The following DPY19L1 variants were observed in gnomAD, a reference collection of about 807,000 sequenced individuals.
The protein encoded by DPY19L1 is dpy-19 like C-mannosyltransferase 1.
Under a neutral mutation model 96.9 loss-of-function variants are expected in DPY19L1, and 35 were observed. The ratio of observed to expected loss-of-function variants is 0.36; its 90% confidence interval spans 0.28 to 0.48. The LOEUF is 0.48. Among genes scored for constraint, DPY19L1 ranks in the 20% least tolerant of loss-of-function variants. The pLI is 0.99. For synonymous variants in DPY19L1, 205 were observed against 252.6 expected (o/e 0.81, Z 1.79); for missense variants, 521 against 777.9 (o/e 0.67, Z 3.93).
intron 7 of DPY19L1, among the ~76,000 whole-genome samples, chr7:34,985,751 A>C (rs1257602292): frequency 6.6e-6 from 1 of 152,098 alleles, no homozygotes; most frequent in Non-Finnish European, 1.5e-5. Context: ...GTCATTTTAG[A>C]AAACTATGTA....
At chr7:34,968,075 A>T (rs886555520) in intron 9 of DPY19L1, among the ~76,000 whole-genome samples, 8 of 152,116 alleles carry the variant, frequency 5.3e-5, no homozygotes, top group Non-Finnish European at 1.0e-4. Context: ...AACACACAGT[A>T]CATTTACAGG....
In DPY19L1 at chr7:34,947,651, C is replaced by G; in HGVS notation, c.1473G>C (p.Val491=). Residue 491 remains valine (V), a synonymous_variant, in exon 15 of 22, where the codon GTG becomes GTC. Transcript: ENST00000638088. The part of the protein sequence containing the change: ...KTLLLPVVLV[V]FVAIVRKIIS... ...ATACCTTTCTAACAATAGCAACAAA[C>G]ACTACAAGAACAACTGGAAGCAATA... is the stretch of plus-strand genomic sequence containing the variant. The G allele has an allele frequency of 6.2e-7, 1 of 1,611,994 alleles. No homozygotes were observed.
intron 8 of DPY19L1, among the ~76,000 whole-genome samples, chr7:34,970,530 T>C (rs532712361): frequency 5.1e-4 from 78 of 152,340 alleles, no homozygotes; most frequent in Middle Eastern, 3.4e-3. Context: ...GCTGTGTGCA[T>C]ACATGTATGT....
At chr7:35,004,349 T>G (rs1301001728) in intron 6 of DPY19L1, among the ~76,000 whole-genome samples, 5 of 152,200 alleles carry the variant, frequency 3.3e-5, no homozygotes, top group Non-Finnish European at 7.3e-5. Context: ...CAGCTAGGTT[T>G]GTGCCTGATA....
intron 6 of DPY19L1, among the ~76,000 whole-genome samples, chr7:35,003,284 C>T (rs1172895837): frequency 1.3e-5 from 2 of 152,158 alleles, no homozygotes; most frequent in African/African-American, 4.8e-5. Context: ...GGGGATCCAA[C>T]AGGGGAGAGC....
At chr7:35,027,369 T>A (rs894209370) in intron 1 of DPY19L1, among the ~76,000 whole-genome samples, 11 of 152,216 alleles carry the variant, frequency 7.2e-5, no homozygotes, top group Admixed American at 7.2e-4. Context: ...TGTTTTCATT[T>A]TGATTTTCCT....
chr7:34,950,770 C>A (rs960584271), intron 13 of DPY19L1, among the ~76,000 whole-genome samples: 9 of 151,836 alleles, frequency 5.9e-5, no homozygotes, highest in African/African-American at 2.2e-4. Context: ...ATATACAGCA[C>A]CTAAAATAGC....
intron 3 of DPY19L1, among the ~76,000 whole-genome samples, chr7:35,015,053 C>T (rs1230009084): frequency 1.3e-5 from 2 of 152,178 alleles, no homozygotes; most frequent in African/African-American, 2.4e-5. Flanking sequence ...CACTGCTAAT[C>T]TCTGGAACTG....
At chr7:34,958,563 T>C (rs1784426870) in intron 10 of DPY19L1, among the ~76,000 whole-genome samples, 2 of 151,918 alleles carry the variant, frequency 1.3e-5, no homozygotes, top group South Asian at 4.1e-4. Flanking sequence ...TAGACATCCT[T>C]ATGTGTATAC....
At chr7:34,964,994 T>C (rs1055430800) in intron 10 of DPY19L1, among the ~76,000 whole-genome samples, 17 of 152,230 alleles carry the variant, frequency 1.1e-4, no homozygotes, top group African/African-American at 2.4e-4. Context: ...ACGAACCAGA[T>C]TGATAAAATA....
intron 15 of DPY19L1, 67 bp from the exon 16 acceptor site, chr7:34,945,783 T>A (rs1028300078): frequency 1.9e-6 from 2 of 1,043,730 alleles, no homozygotes; most frequent in Non-Finnish European, 2.9e-6. Context: ...AAATAAAGTA[T>A]CTTCTAAACT....
At chr7:34,999,846 C>T (rs1446871529) in intron 6 of DPY19L1, among the ~76,000 whole-genome samples, 1 of 152,136 alleles carries the variant, frequency 6.6e-6, no homozygotes, top group Non-Finnish European at 1.5e-5. Context: ...ATTTATACCA[C>T]TTAATTCAGC....
intron 7 of DPY19L1, among the ~76,000 whole-genome samples, chr7:34,979,465 T>C (rs967930849): frequency 2.0e-5 from 3 of 152,140 alleles, no homozygotes; most frequent in African/African-American, 4.8e-5. Context: ...AGGTTGCTTC[T>C]AAATTATTTA....
chr7:34,969,553 G>C, intron 8 of DPY19L1, 21 bp from the exon 9 acceptor site: 1 of 1,404,032 alleles, frequency 7.1e-7, no homozygotes, highest in Non-Finnish European at 9.6e-7. Context: ...TAAAATAAGT[G>C]TTAGTAAGTT....
intron 7 of DPY19L1, among the ~76,000 whole-genome samples, chr7:34,982,448 A>C (rs769819760): frequency 2.0e-5 from 3 of 152,242 alleles, no homozygotes; most frequent in Non-Finnish European, 4.4e-5. Flanking sequence ...CTGGTAAATG[A>C]AACTGAATCT....
chr7:34,974,539 A>T (rs754863394), intron 7 of DPY19L1, among the ~76,000 whole-genome samples: 20 of 152,212 alleles, frequency 1.3e-4, no homozygotes, highest in Admixed American at 2.6e-4. Flanking sequence ...AAACTGACAT[A>T]CATATCTATT....
chr7:34,983,606 T>C (rs1321446290), intron 7 of DPY19L1, among the ~76,000 whole-genome samples: 5 of 150,778 alleles, frequency 3.3e-5, no homozygotes, highest in African/African-American at 4.9e-5. Context: ...GCAGACTGCA[T>C]GCATCAGAAT....
At chr7:34,977,750 T>C (rs1317543567) in intron 7 of DPY19L1, among the ~76,000 whole-genome samples, 1 of 152,200 alleles carries the variant, frequency 6.6e-6, no homozygotes, top group Non-Finnish European at 1.5e-5. Context: ...CAGTTTAAAA[T>C]GCCAATGCTT....
At chr7:34,998,153 T>C (rs148183828) in intron 6 of DPY19L1, among the ~76,000 whole-genome samples, 56 of 152,244 alleles carry the variant, frequency 3.7e-4, no homozygotes, top group African/African-American at 1.3e-3. Context: ...AATTGGAAGA[T>C]GAAGGTATTG....
Sources: allele counts gnomAD v4.1 joint callset (sites outside exome capture counted in the v4.1 genomes callset), GRCh38; gene constraint gnomAD v4.1.1; transcripts MANE v1.5; gene names NCBI Gene and HGNC (gene_info 2026-07-23, HGNC 2026-07-21).